LDB2: variants seen among roughly 807,000 people sequenced by gnomAD.
The protein encoded by LDB2 is LIM domain binding 2.
Under a neutral mutation model 44.3 loss-of-function variants are expected in LDB2, and 12 were observed. That is an observed-to-expected ratio of 0.27 (90% confidence interval 0.17 to 0.44). The LOEUF is 0.44. Among genes scored for constraint, LDB2 ranks in the 20% least tolerant of loss-of-function variants. The probability of loss-of-function intolerance (pLI) is 1.00; values close to 1 mark genes in which losing one functional copy is unlikely to be tolerated. For synonymous variants in LDB2, 164 were observed against 174.8 expected (o/e 0.94, Z 0.49); for missense variants, 344 against 473.5 (o/e 0.73, Z 2.54).
At chr4:16,673,159 G>A (rs1342395084) in intron 2 of LDB2, among the ~76,000 whole-genome samples, 1 of 152,052 alleles carries the variant, frequency 6.6e-6, no homozygotes, top group African/African-American at 2.4e-5. Context: ...TCAGGGAAAG[G>A]GGCATGAATC....
intron 1 of LDB2, among the ~76,000 whole-genome samples, chr4:16,897,233 A>G (rs1442441700): frequency 6.6e-6 from 1 of 152,204 alleles, no homozygotes; most frequent in Non-Finnish European, 1.5e-5. Flanking sequence ...TTAAAAGTCA[A>G]TCTTCAATCT....
intron 1 of LDB2, among the ~76,000 whole-genome samples, chr4:16,802,335 T>C (rs988770640): frequency 6.6e-5 from 10 of 152,308 alleles, no homozygotes; most frequent in African/African-American, 2.4e-4. Flanking sequence ...CTGTTCCTCA[T>C]ATGAATGAAC....
At chr4:16,635,171 C>T (rs1733232544) in intron 2 of LDB2, among the ~76,000 whole-genome samples, 1 of 151,988 alleles carries the variant, frequency 6.6e-6, no homozygotes, top group African/African-American at 2.4e-5. Flanking sequence ...GGGATAACAT[C>T]AGGAGAAATA....
intron 2 of LDB2, among the ~76,000 whole-genome samples, chr4:16,703,480 A>G (rs537587773): frequency 1.7e-4 from 26 of 152,300 alleles, no homozygotes; most frequent in Admixed American, 3.9e-4. Context: ...GGGTAATCTC[A>G]TGGGTAGAGA....
intron 2 of LDB2, among the ~76,000 whole-genome samples, chr4:16,672,857 C>CT (rs1560832710): frequency 5.4e-5 from 5 of 93,268 alleles, no homozygotes; most frequent in Admixed American, 1.2e-4. Context: ...CCTTCCTTTC[C>CT]TCCCTCCCTC....
chr4:16,754,301 C>T (rs1766056693), intron 2 of LDB2, among the ~76,000 whole-genome samples: 2 of 152,182 alleles, frequency 1.3e-5, no homozygotes, highest in Non-Finnish European at 2.9e-5. Context: ...TTAAAAAGGT[C>T]ATATGGACTC....
intron 2 of LDB2, among the ~76,000 whole-genome samples, chr4:16,672,824 C>CT (rs1328529534): frequency 3.3e-5 from 2 of 61,188 alleles, no homozygotes; most frequent in African/African-American, 1.3e-4. Context: ...GCCTGCCTGC[C>CT]TGCCTTCTTT....
At chr4:16,855,243 G>A (rs961705133) in intron 1 of LDB2, among the ~76,000 whole-genome samples, 9 of 152,088 alleles carry the variant, frequency 5.9e-5, no homozygotes, top group Non-Finnish European at 1.2e-4. Flanking sequence ...AAAAACTGGG[G>A]TTCCTTAGCA....
intron 2 of LDB2, among the ~76,000 whole-genome samples, chr4:16,641,005 GA>G (rs1734980355): frequency 6.6e-6 from 1 of 152,130 alleles, no homozygotes; most frequent in Non-Finnish European, 1.5e-5. Context: ...AGACAAACAG[GA>G]CACCAGTTCC....
intron 1 of LDB2, among the ~76,000 whole-genome samples, chr4:16,886,010 G>A (rs935587819): frequency 1.6e-4 from 25 of 152,032 alleles, no homozygotes; most frequent in Non-Finnish European, 3.5e-4. Flanking sequence ...TGAGCCAGGA[G>A]TTTGAGACCA....
chr4:16,525,735 A>T (rs538047429), intron 5 of LDB2, among the ~76,000 whole-genome samples: 1 of 152,340 alleles, frequency 6.6e-6, no homozygotes, highest in South Asian at 2.1e-4. Context: ...TAAACAAAAG[A>T]TATATACTAT....
chr4:16,614,147 G>T (rs1266905404), intron 2 of LDB2, among the ~76,000 whole-genome samples: 1 of 152,136 alleles, frequency 6.6e-6, no homozygotes, highest in Non-Finnish European at 1.5e-5. Flanking sequence ...TGAAAAGCCT[G>T]CCAAAAACAA....
intron 1 of LDB2, among the ~76,000 whole-genome samples, chr4:16,859,354 C>A (rs1488329130): frequency 1.3e-5 from 2 of 152,170 alleles, no homozygotes; most frequent in Non-Finnish European, 2.9e-5. Context: ...TGGTGGTATG[C>A]CCTGGTGTTT....
intron 1 of LDB2, among the ~76,000 whole-genome samples, chr4:16,878,860 A>G (rs1719200223): frequency 6.6e-6 from 1 of 152,234 alleles, no homozygotes. Flanking sequence ...ACTTCCTCAA[A>G]GGAGCCTTCC....
rs1176379498 is a variant in LDB2, at chr4:16,502,757, G to A, written c.1008C>T (p.Asp336=). 15 of 1,613,940 alleles carry A rather than the reference G, an allele frequency of 9.3e-6. No homozygotes were observed. Among genetic ancestry groups the A allele is most frequent in the African/African-American group, 1.3e-5 (1 of 74,980 alleles). Reference sequence around the variant, plus strand: ...CGGGTGAATTGTTGAAGTCCTCCTCGTCGTCCATGCCGTTGGCCGCATCAT... The same window carrying A: ...CGGGTGAATTGTTGAAGTCCTCCTCATCGTCCATGCCGTTGGCCGCATCAT... ...TQYDAANGMD[D]EEDFNNSPAL... The change falls in exon 8 of 8, where the codon GAC becomes GAT. Residue 336 remains aspartate (D), a synonymous_variant. Coordinates refer to ENST00000304523, the MANE Select transcript of LDB2 (RefSeq NM_001290.5).
chr4:16,583,555 C>G (rs1715569707), intron 5 of LDB2, among the ~76,000 whole-genome samples: 1 of 152,160 alleles, frequency 6.6e-6, no homozygotes, highest in South Asian at 2.1e-4. Flanking sequence ...GACTGCTCCG[C>G]TGTCTTAAAA....
chr4:16,739,958 G>C (rs1038075301), intron 2 of LDB2, among the ~76,000 whole-genome samples: 3 of 151,262 alleles, frequency 2.0e-5, no homozygotes, highest in Non-Finnish European at 4.4e-5. Context: ...CTTGAATTCA[G>C]ATGTTCATAC....
chr4:16,801,267 G>A (rs779914199), intron 1 of LDB2, among the ~76,000 whole-genome samples: 2 of 152,150 alleles, frequency 1.3e-5, no homozygotes, highest in African/African-American at 2.4e-5. Context: ...TTCTCATTGT[G>A]TTGCAATTAT....
intron 5 of LDB2, among the ~76,000 whole-genome samples, chr4:16,570,134 G>T (rs1255979912): frequency 6.6e-6 from 1 of 151,966 alleles, no homozygotes; most frequent in Admixed American, 6.6e-5. Flanking sequence ...CTTGTTTTAG[G>T]CATTGGGGAA....
Sources: gnomAD v4.1 joint callset for allele counts (sites outside exome capture counted in the v4.1 genomes callset) on GRCh38, gnomAD v4.1.1 for gene constraint, MANE v1.5 for transcripts, NCBI Gene and HGNC (gene_info 2026-07-23, HGNC 2026-07-21) for gene names.